CNTNAP2: variants seen among roughly 807,000 people sequenced by gnomAD.
CNTNAP2 encodes contactin associated protein 2.
In CNTNAP2, 98 loss-of-function variants were observed where a neutral mutation model predicts 155.2. That is an observed-to-expected ratio of 0.63 (90% CI 0.54 to 0.75). The LOEUF is 0.75. Among genes scored for constraint, CNTNAP2 ranks in the 30% least tolerant of loss-of-function variants. CNTNAP2 has a pLI of 0.00. For missense variants in CNTNAP2, 1,727 were observed against 1,688.1 expected (o/e 1.02, Z -0.40); for synonymous variants, 651 against 631.2 (o/e 1.03, Z -0.47).
At chr7:146,404,346 G>A (rs1795760331) in intron 1 of CNTNAP2, among the ~76,000 whole-genome samples, 1 of 152,064 alleles carries the variant, frequency 6.6e-6, no homozygotes, top group African/African-American at 2.4e-5. Flanking sequence ...TGGTTGGGCC[G>A]CAAACCATGG....
At chr7:147,601,540 G>A (rs1283482058) in intron 12 of CNTNAP2, among the ~76,000 whole-genome samples, 5 of 151,476 alleles carry the variant, frequency 3.3e-5, no homozygotes, top group African/African-American at 1.2e-4. Flanking sequence ...CCATCTGGAT[G>A]TATACGTGCA....
intron 21 of CNTNAP2, among the ~76,000 whole-genome samples, chr7:148,293,862 T>C (rs116452137): frequency 0.028 from 4,281 of 151,816 alleles, 190 homozygotes; most frequent in African/African-American, 0.095. Context: ...TGGTGAAACC[T>C]CATTTCTACT....
chr7:146,450,081 T>G (rs1796456794), intron 1 of CNTNAP2, among the ~76,000 whole-genome samples: 1 of 152,204 alleles, frequency 6.6e-6, no homozygotes. Context: ...ACACTGTTTC[T>G]ACGTTGTACC....
rs369435658 is a variant in CNTNAP2, at chr7:146,332,692, A to T, written c.97+215719A>T. Among the ~76,000 whole-genome samples, 13 of 152,218 alleles carry T rather than the reference A, an allele frequency of 8.5e-5. No individual in the cohort carries two copies. In the East Asian group the frequency reaches 1.2e-3, roughly 14 times the overall value. On this transcript the variant is annotated intron_variant, in intron 1 of 23. Coordinates refer to ENST00000361727, the MANE Select transcript of CNTNAP2 (RefSeq NM_014141.6). ...ATTGTCTATAAACAATGATCACTTG[A>T]GAATTAACTGTTCATTAACATGCTT...
chr7:146,405,551 G>T (rs77968121), intron 1 of CNTNAP2, among the ~76,000 whole-genome samples: 1 of 152,218 alleles, frequency 6.6e-6, no homozygotes, highest in Non-Finnish European at 1.5e-5. Context: ...AATATTACAC[G>T]TAGGTATTAT....
chr7:147,528,549 A>T (rs1041231645), intron 11 of CNTNAP2, among the ~76,000 whole-genome samples: 2 of 152,196 alleles, frequency 1.3e-5, no homozygotes, highest in African/African-American at 4.8e-5. Flanking sequence ...ATGTACACAC[A>T]TGCATTCACG....
chr7:147,295,350 T>C (rs556452635), intron 8 of CNTNAP2, among the ~76,000 whole-genome samples: 27 of 152,238 alleles, frequency 1.8e-4, no homozygotes, highest in African/African-American at 6.3e-4. Flanking sequence ...ACAGGGTCTA[T>C]ATAAATAATG....
Position 146,702,582 on chromosome 7 carries a change from A to T in CNTNAP2, c.98-71689A>T, listed in dbSNP as rs150505781. ...GGACTAGAAATGTGGCCAATGTAAG[A>T]TATAACCTGATTTTTTAAATTTCAT... On this transcript the variant is annotated intron_variant, in intron 1 of 23. Transcript: ENST00000361727. Among the ~76,000 whole-genome samples, 313 of 152,242 alleles carry T rather than the reference A, an allele frequency of 2.1e-3. 2 individuals are homozygous for T. Among genetic ancestry groups the T allele is most frequent in the African/African-American group, 5.3e-3 (220 of 41,554 alleles).
intron 3 of CNTNAP2, among the ~76,000 whole-genome samples, chr7:146,920,151 T>C (rs1256075467): frequency 6.6e-6 from 1 of 152,192 alleles, no homozygotes; most frequent in Non-Finnish European, 1.5e-5. Context: ...TGGTGGCTTA[T>C]GCCTGTAAGC....
intron 14 of CNTNAP2, among the ~76,000 whole-genome samples, chr7:147,927,455 A>G (rs544506857): frequency 4.2e-4 from 64 of 152,314 alleles, no homozygotes; most frequent in Non-Finnish European, 7.4e-4. Context: ...TAAGTCAAAC[A>G]CTTTTAGTTT....
At position 147,018,374 on chromosome 7, in the gene CNTNAP2, G is replaced by T. The variant is rs1798762315; in HGVS notation, c.403-25533G>T. On this transcript the variant is annotated intron_variant, in intron 3 of 23. Transcript: ENST00000361727. ...CCACTCTATGACTCTGTCATGGCAT[G>T]TGCCCTAAATAAACACTGTCCATGT... is the stretch of plus-strand genomic sequence containing the variant. Among the ~76,000 whole-genome samples, 3 of 152,046 alleles carry T rather than the reference G, an allele frequency of 2.0e-5. No individual in the cohort carries two copies. The South Asian group carries it at 6.2e-4, about 31-fold the overall frequency.
Position 148,419,967 on chromosome 7 carries a change from T to C in CNTNAP2, c.*4351T>C, listed in dbSNP as rs1304763328. 1 of 152,206 alleles carries C rather than the reference T, an allele frequency of 6.6e-6. No homozygotes were observed. The highest frequency in any genetic ancestry group is 1.5e-5 in the Non-Finnish European group (1 of 68,034). The allele number at this position is 152,206 out of a possible 1,614,324, so 9.4% of individuals were successfully genotyped here. On this transcript the variant is annotated 3_prime_UTR_variant, in exon 24 of 24. Coordinates refer to ENST00000361727, the MANE Select transcript of CNTNAP2 (RefSeq NM_014141.6). The stretch of plus-strand genomic sequence containing the variant: ...TGCAAAATACCTTGAAACCCTTATA[T>C]AAAGACTGAAGTCAACGGAGCCTAG...
intron 13 of CNTNAP2, among the ~76,000 whole-genome samples, chr7:147,900,879 T>A (rs545428323): frequency 1.3e-5 from 2 of 152,346 alleles, no homozygotes; most frequent in Non-Finnish European, 2.9e-5. Context: ...TGATAGTTCC[T>A]AAAACATATT....
At chr7:147,205,670 C>A in intron 8 of CNTNAP2, among the ~76,000 whole-genome samples, 1 of 148,998 alleles carries the variant, frequency 6.7e-6, no homozygotes. Context: ...TATGTGGGAG[C>A]TAAAAAAAAT....
intron 3 of CNTNAP2, among the ~76,000 whole-genome samples, chr7:146,932,877 C>T (rs1015245585): frequency 1.3e-5 from 2 of 152,106 alleles, no homozygotes; most frequent in African/African-American, 2.4e-5. Context: ...ATCCAACTCA[C>T]AAGGGATGTG....
chr7:146,229,722 GTTTTTT>G (rs59076382), intron 1 of CNTNAP2, among the ~76,000 whole-genome samples: 1 of 150,714 alleles, frequency 6.6e-6, no homozygotes, highest in Non-Finnish European at 1.5e-5. Context: ...GAAGTTTTTT[GTTTTTT>G]TTTTCTTATT....
intron 15 of CNTNAP2, among the ~76,000 whole-genome samples, chr7:148,116,481 C>T (rs1804474880): frequency 6.6e-6 from 1 of 150,990 alleles, no homozygotes; most frequent in Admixed American, 6.6e-5. Context: ...CTCTCTCCAA[C>T]CCCGCACCCC....
At chr7:146,697,712 T>G (rs1015872577) in intron 1 of CNTNAP2, among the ~76,000 whole-genome samples, 1 of 152,172 alleles carries the variant, frequency 6.6e-6, no homozygotes. Flanking sequence ...AGCCAACCCA[T>G]AGTAGGTTCT....
At chr7:147,747,509 T>A (rs966078356) in intron 13 of CNTNAP2, among the ~76,000 whole-genome samples, 3 of 152,232 alleles carry the variant, frequency 2.0e-5, no homozygotes, top group Admixed American at 1.3e-4. Context: ...GATGGACACT[T>A]AGGTTACTTC....
Sources: allele counts gnomAD v4.1 joint callset (sites outside exome capture counted in the v4.1 genomes callset), GRCh38; gene constraint gnomAD v4.1.1; transcripts MANE v1.5; gene names NCBI Gene and HGNC (gene_info 2026-07-23, HGNC 2026-07-21).